TP53BP1: variants seen among roughly 807,000 people sequenced by gnomAD.
The protein encoded by TP53BP1 is TP53-binding protein 1.
In TP53BP1, 61 loss-of-function variants were observed where a neutral mutation model predicts 200.8. The observed-to-expected ratio is 0.30, with a 90% CI of 0.25 to 0.38. TP53BP1 has a LOEUF of 0.38. Ranked by LOEUF, TP53BP1 falls within the 10% of genes least tolerant of loss-of-function variation. TP53BP1 has a pLI of 1.00. For synonymous variants in TP53BP1, 822 were observed against 844.3 expected (o/e 0.97, Z 0.46); for missense variants, 2,144 against 2,371.9 (o/e 0.90, Z 2.00).
At chr15:43,407,719 G>A in intron 27 of TP53BP1, 149 bp from the exon 28 acceptor site, 1 of 833,684 alleles carries the variant, frequency 1.2e-6, no homozygotes, top group East Asian at 2.7e-5. Flanking sequence ...CATGACCAAA[G>A]GCAGAGTTAT....
chr15:43,430,533 T>C (rs1326478341), intron 17 of TP53BP1, among the ~76,000 whole-genome samples: 1 of 152,138 alleles, frequency 6.6e-6, no homozygotes, highest in East Asian at 1.9e-4. Flanking sequence ...AACAAACAAC[T>C]TGGACAATCA....
At position 43,456,770 on chromosome 15, in the gene TP53BP1, T is replaced by C. The variant is rs767229618; in HGVS notation, c.1838A>G (p.Glu613Gly). Residue 613 changes from glutamate (E) to glycine (G), a missense_variant, in exon 12 of 28, where the codon GAA becomes GGA. Glu to Gly is a moderately conservative substitution (Grantham distance 98, BLOSUM62 -2). This residue lies in a region of TP53BP1 where 1,700 missense variants were observed against 1,710.3 expected (regional missense o/e 0.99). Coordinates refer to ENST00000382044, the MANE Select transcript of TP53BP1 (RefSeq NM_001141980.3). ...SILATGCKGR[E>G]ETVAEDVCID... The stretch of plus-strand genomic sequence containing the variant: ...ACAAACATCTTCTGCTACCGTTTCT[T>C]CTCTGCCCTTGCAACCAGTGGCTAA... The C allele has an allele frequency of 1.6e-5, 26 of 1,613,960 alleles. No homozygotes were observed. Among genetic ancestry groups the C allele is most frequent in the Admixed American group, 8.3e-5 (5 of 60,004 alleles).
At chr15:43,468,235 A>G (rs189618318) in intron 11 of TP53BP1, among the ~76,000 whole-genome samples, 212 of 152,182 alleles carry the variant, frequency 1.4e-3, no homozygotes, top group Admixed American at 3.7e-3. Flanking sequence ...ATGTTCACAT[A>G]TAACTTAGAA....
intron 1 of TP53BP1, among the ~76,000 whole-genome samples, chr15:43,507,130 G>C (rs1253444827): frequency 6.6e-6 from 1 of 151,508 alleles, no homozygotes; most frequent in African/African-American, 2.4e-5. Flanking sequence ...TGTGCATTTT[G>C]TCCAATTCTC....
chr15:43,407,773 G>A (rs757375179), intron 27 of TP53BP1, 170 bp downstream of exon 27: 47 of 784,880 alleles, frequency 6.0e-5, no homozygotes, highest in Admixed American at 8.4e-5. Context: ...ACAAATATAC[G>A]TCCAGTGCTT....
At chr15:43,429,914 G>C (rs1219729622) in intron 17 of TP53BP1, among the ~76,000 whole-genome samples, 1 of 152,166 alleles carries the variant, frequency 6.6e-6, no homozygotes, top group Non-Finnish European at 1.5e-5. Flanking sequence ...AGGTTTCAGT[G>C]CTTTACATAT....
At chr15:43,421,330 T>A (rs2045391997) in intron 19 of TP53BP1, among the ~76,000 whole-genome samples, 156 bp from the exon 20 acceptor site, 1 of 152,162 alleles carries the variant, frequency 6.6e-6, no homozygotes, top group African/African-American at 2.4e-5. Context: ...CAAAATCTCA[T>A]GCAGGGAGTG....
Position 43,409,595 on chromosome 15 carries a change from A to G in TP53BP1, c.5400+52T>C, listed in dbSNP as rs867815745. 2.0e-5 allele frequency: 20 copies of G among 1,017,238 alleles called. No individual in the cohort carries two copies. In the Middle Eastern group the frequency reaches 6.4e-4, roughly 33 times the overall value. 63.0% of individuals were successfully genotyped at this position (1,017,238 alleles called of 1,614,324 possible). On this transcript the variant is annotated intron_variant, in intron 25 of 27. Transcript: ENST00000382044. Reference sequence around the variant, plus strand: ...TCCCAGGCCTCTTCTCAACACAGCAAGTTGGCTCTTATCATTGCCACTATA... The same window carrying G: ...TCCCAGGCCTCTTCTCAACACAGCAGGTTGGCTCTTATCATTGCCACTATA...
chr15:43,430,444 CATT>C (rs67031450), intron 17 of TP53BP1, among the ~76,000 whole-genome samples: 18,723 of 152,160 alleles, frequency 0.12, 1,539 homozygotes, highest in Non-Finnish European at 0.17. Flanking sequence ...TAAAATATAT[CATT>C]GTCTTGAACA....
intron 11 of TP53BP1, 74 bp downstream of exon 11, chr15:43,469,784 T>C (rs1236605045): frequency 3.4e-6 from 4 of 1,176,384 alleles, no homozygotes; most frequent in African/African-American, 1.5e-5. Context: ...AATTTTATGG[T>C]ATGTAAATTA....
intron 11 of TP53BP1, among the ~76,000 whole-genome samples, chr15:43,464,512 T>C (rs530597699): frequency 1.4e-4 from 21 of 152,172 alleles, no homozygotes; most frequent in Non-Finnish European, 2.4e-4. Flanking sequence ...AGCAGCATTA[T>C]TCACAATAGC....
chr15:43,437,002 A>G (rs897302564), intron 16 of TP53BP1, among the ~76,000 whole-genome samples: 3 of 151,796 alleles, frequency 2.0e-5, no homozygotes, highest in African/African-American at 7.3e-5. Context: ...AGTTGAAAAA[A>G]AAAAAAATTA....
At position 43,405,001 on chromosome 15, in the gene TP53BP1, C is replaced by T. The variant is rs1381479993; in HGVS notation, c.*2382G>A. 1.7e-6 allele frequency: 1 copy of T among 590,088 alleles called. No individual in the cohort carries two copies. The highest frequency in any genetic ancestry group is 2.9e-6 in the Non-Finnish European group (1 of 339,510). The allele number at this position is 590,088 out of a possible 1,614,324, so 36.6% of individuals were successfully genotyped here. ...TTCCCAGAGGTCTGTCATTCCCATT[C>T]AGAAAATCACTTCATTGTCCTTTCT... On this transcript the variant is annotated 3_prime_UTR_variant, in exon 28 of 28. Transcript: ENST00000382044.
At position 43,477,668 on chromosome 15, in the gene TP53BP1, G is replaced by A; in HGVS notation, c.880C>T (p.Leu294=). The part of the protein sequence containing the change: ...LSAQELMESG[L]QIQKSPEPEV... Reference sequence around the variant, plus strand: ...GGCTCTGGTGACTTCTGAATCTGCAGTCCACTTTCCATAAGTTCTTGTGCA... The same window carrying A: ...GGCTCTGGTGACTTCTGAATCTGCAATCCACTTTCCATAAGTTCTTGTGCA... Residue 294 remains leucine (L), a synonymous_variant, in exon 8 of 28, where the codon CTG becomes TTG. Coordinates refer to ENST00000382044, the MANE Select transcript of TP53BP1 (RefSeq NM_001141980.3). 2 of 1,613,904 alleles carry A rather than the reference G, an allele frequency of 1.2e-6. No homozygotes were observed. The highest frequency in any genetic ancestry group is 1.7e-5 in the Admixed American group (1 of 59,958).
In TP53BP1 at chr15:43,430,770, G is replaced by A. The variant is rs937549419; in HGVS notation, c.3675+1424C>T. ...CTATAATGTTTATAAATCAGGCACA[G>A]AAAGATTAATAACTAATAATAAGAT... On this transcript the variant is annotated intron_variant, in intron 17 of 27. Transcript: ENST00000382044. 5.3e-5 allele frequency among the ~76,000 whole-genome samples: 8 copies of A among 152,242 alleles called. No homozygotes were observed. The South Asian group carries it at 1.0e-3, about 20-fold the overall frequency.
In TP53BP1 at chr15:43,405,298, A is replaced by G; in HGVS notation, c.*2085T>C. ...TCAAAACATCCCATTCTAGCCACAC[A>G]CAAATAAATATCTGCGGCTTAGTGA... On this transcript the variant is annotated 3_prime_UTR_variant, in exon 28 of 28. Transcript: ENST00000382044. 1 of 1,484,702 alleles carries G rather than the reference A, an allele frequency of 6.7e-7. No homozygotes were observed. Among genetic ancestry groups the G allele is most frequent in the Non-Finnish European group, 9.4e-7 (1 of 1,064,154 alleles). 92.0% of individuals were successfully genotyped at this position (1,484,702 alleles called of 1,614,324 possible).
At position 43,453,684 on chromosome 15, in the gene TP53BP1, A is replaced by G. The variant is rs1200463427; in HGVS notation, c.2716+2208T>C. ...CTCAGCCTCCAGAGTAGCTGGGACT[A>G]CAGGCACCCGTCATCATTCCAGGCT... On this transcript the variant is annotated intron_variant, in intron 12 of 27. Coordinates refer to ENST00000382044, the MANE Select transcript of TP53BP1 (RefSeq NM_001141980.3). Among the ~76,000 whole-genome samples the G allele has an allele frequency of 2.0e-5, 3 of 151,518 alleles. 1 individual carries two copies. Among genetic ancestry groups the G allele is most frequent in the Non-Finnish European group, 4.4e-5 (3 of 67,936 alleles).
Position 43,404,063 on chromosome 15 carries a change from C to A in TP53BP1, c.*3320G>T. 1.9e-6 allele frequency: 1 copy of A among 530,244 alleles called. No homozygotes were observed. Among genetic ancestry groups the A allele is most frequent in the South Asian group, 2.6e-5 (1 of 37,848 alleles). The allele number at this position is 530,244 out of a possible 1,614,324, so 32.8% of individuals were successfully genotyped here. On this transcript the variant is annotated 3_prime_UTR_variant, in exon 28 of 28. Transcript: ENST00000382044. ...GCATTGGGTTGTTCTAACTTCCTCACATCCTCCCCCCTCCTTACTTCCTTG... is the reference window on the plus strand; with the variant it reads ...GCATTGGGTTGTTCTAACTTCCTCAAATCCTCCCCCCTCCTTACTTCCTTG...
At chr15:43,419,145 G>A (rs2045333455) in intron 21 of TP53BP1, among the ~76,000 whole-genome samples, 1 of 152,118 alleles carries the variant, frequency 6.6e-6, no homozygotes, top group Non-Finnish European at 1.5e-5. Flanking sequence ...ACTTGTACCC[G>A]GAAGCTAGAG....
Sources: allele counts gnomAD v4.1 joint callset (sites outside exome capture counted in the v4.1 genomes callset), GRCh38; gene constraint gnomAD v4.1.1; regional missense constraint gnomAD v4.1.1; transcripts MANE v1.5; gene names NCBI Gene and HGNC (gene_info 2026-07-23, HGNC 2026-07-21).